The following WWP2 variants were observed in gnomAD, a reference collection of about 807,000 sequenced individuals.
WWP2 encodes WW domain containing E3 ubiquitin protein ligase 2, also known as NEDD4-like E3 ubiquitin-protein ligase WWP2.
WWP2 carries 57 observed loss-of-function variants against 121.0 expected under a neutral mutation model. The observed-to-expected ratio is 0.47, with a 90% confidence interval of 0.38 to 0.59. The LOEUF (loss-of-function observed/expected upper bound fraction) is 0.59, where lower values mean the gene tolerates loss of function less well. Among genes scored for constraint, WWP2 ranks in the 20% least tolerant of loss-of-function variants. The pLI is 0.00. For missense variants in WWP2, 962 were observed against 1,158.9 expected (o/e 0.83, Z 2.47); for synonymous variants, 449 against 441.3 (o/e 1.02, Z -0.22).
intron 23 of WWP2, 25 bp downstream of exon 23, chr16:69,939,438 G>T (rs369387924): frequency 1.9e-6 from 3 of 1,613,544 alleles, no homozygotes; most frequent in Non-Finnish European, 2.5e-6. Flanking sequence ...TTTAGTGGGA[G>T]GTCGGGGGGC....
chr16:69,926,224 A>G (rs2058637873), intron 11 of WWP2: 2 of 152,206 alleles, frequency 1.3e-5, no homozygotes, highest in Non-Finnish European at 2.9e-5. Context: ...AAAAAGGGTC[A>G]TTAGAGATGA....
chr16:69,838,042 G>A (rs1224241956), intron 4 of WWP2, among the ~76,000 whole-genome samples: 1 of 151,996 alleles, frequency 6.6e-6, no homozygotes, highest in Non-Finnish European at 1.5e-5. Flanking sequence ...GGGCAACATA[G>A]TGAACCATGT....
chr16:69,862,504 G>A (rs2057440749), intron 6 of WWP2, among the ~76,000 whole-genome samples: 1 of 151,970 alleles, frequency 6.6e-6, no homozygotes. Flanking sequence ...AACCACCTCG[G>A]CCTTCCAAAG....
At chr16:69,872,462 G>A (rs1279369687) in intron 7 of WWP2, among the ~76,000 whole-genome samples, 2 of 152,188 alleles carry the variant, frequency 1.3e-5, no homozygotes, top group Non-Finnish European at 2.9e-5. Flanking sequence ...GTGATCGCCC[G>A]TCTTGGCCTC....
At chr16:69,931,649 G>C (rs566483444) in intron 15 of WWP2, 69 bp downstream of exon 15, 1 of 1,602,520 alleles carries the variant, frequency 6.2e-7, no homozygotes, top group East Asian at 2.2e-5. Flanking sequence ...CTCCTATCGC[G>C]TGGCCTGTTA....
Position 69,917,695 on chromosome 16 carries a change from G to A in WWP2, c.1005-14G>A, listed in dbSNP as rs745415079. 6.3e-5 allele frequency: 100 copies of A among 1,595,752 alleles called. No individual in the cohort carries two copies. In the South Asian group the frequency reaches 6.9e-4, roughly 11 times the overall value. On this transcript the variant is annotated splice_polypyrimidine_tract_variant and intron_variant, in intron 9 of 23. Coordinates refer to ENST00000359154, the MANE Select transcript of WWP2 (RefSeq NM_001270454.2). Reference sequence around the variant, plus strand: ...GGGTGGTCATTATATTCATTCTGAGGTTCCTATTTCCAGCTGGGAAAAACG... The same window carrying A: ...GGGTGGTCATTATATTCATTCTGAGATTCCTATTTCCAGCTGGGAAAAACG...
chr16:69,925,029 TG>T lies in WWP2; in HGVS notation c.1180-399del. On this transcript the variant is annotated intron_variant, in intron 10 of 23. Coordinates refer to ENST00000359154, the MANE Select transcript of WWP2 (RefSeq NM_001270454.2). The surrounding 1 kb of genome is among the most constrained non-coding windows in gnomAD (Gnocchi z 4.0). The stretch of plus-strand genomic sequence containing the variant: ...GGTTCTTGGAGAAAGTTGGAGGTGG[TG>T]GTGATTTCAGTCGCCTTGGCCGCCT... The T allele has an allele frequency of 1.0e-6, 1 of 999,456 alleles. No homozygotes were observed. The allele number at this position is 999,456 out of a possible 1,614,324, so 61.9% of individuals were successfully genotyped here.
intron 2 of WWP2, among the ~76,000 whole-genome samples, chr16:69,796,552 C>T (rs943641449): frequency 3.9e-5 from 6 of 152,322 alleles, no homozygotes; most frequent in South Asian, 4.1e-4. Context: ...TGCGAAAAGA[C>T]CAAAATTCAA....
At position 69,937,338 on chromosome 16, in the gene WWP2, T is replaced by C; in HGVS notation, c.2238+100T>C. 1 of 1,542,964 alleles carries C rather than the reference T, an allele frequency of 6.5e-7. No individual in the cohort carries two copies. Among genetic ancestry groups the C allele is most frequent in the Admixed American group, 1.9e-5 (1 of 53,870 alleles). The stretch of plus-strand genomic sequence containing the variant: ...TACCCACAGACACTCAGCGTAAAAC[T>C]CCCACTTCGGCAGGGCAGATGGGTT... On this transcript the variant is annotated intron_variant, in intron 20 of 23. Coordinates refer to ENST00000359154, the MANE Select transcript of WWP2 (RefSeq NM_001270454.2). The surrounding 1 kb of genome is among the most constrained non-coding windows in gnomAD (Gnocchi z 6.6).
chr16:69,831,348 A>C (rs2056790256), intron 4 of WWP2, among the ~76,000 whole-genome samples: 2 of 152,102 alleles, frequency 1.3e-5, no homozygotes, highest in South Asian at 2.1e-4. Context: ...CCAAACTAGA[A>C]AGTTCTTTCG....
At chr16:69,864,476 A>G (rs1332343094) in intron 6 of WWP2, among the ~76,000 whole-genome samples, 1 of 152,254 alleles carries the variant, frequency 6.6e-6, no homozygotes, top group Non-Finnish European at 1.5e-5. Flanking sequence ...TGTTCCCGCC[A>G]TCAATGTATG....
intron 1 of WWP2, among the ~76,000 whole-genome samples, chr16:69,766,758 A>G (rs2038739443): frequency 6.6e-6 from 1 of 151,758 alleles, no homozygotes; most frequent in East Asian, 1.9e-4. Flanking sequence ...GGGATCCTAT[A>G]TTTTACTTTA....
At chr16:69,801,331 A>G (rs1481092661) in intron 4 of WWP2, among the ~76,000 whole-genome samples, 5 of 150,498 alleles carry the variant, frequency 3.3e-5, no homozygotes, top group Middle Eastern at 3.5e-3. Flanking sequence ...CCTGGGCTCA[A>G]GTGATCCTCC....
intron 2 of WWP2, among the ~76,000 whole-genome samples, chr16:69,791,101 A>G (rs1442905025): frequency 1.3e-5 from 2 of 152,148 alleles, no homozygotes; most frequent in African/African-American, 4.8e-5. Flanking sequence ...AGACTTTATT[A>G]CCTTAGCTAA....
intron 10 of WWP2, among the ~76,000 whole-genome samples, chr16:69,924,708 C>T (rs1052709021): frequency 4.0e-5 from 6 of 148,312 alleles, no homozygotes; most frequent in Non-Finnish European, 7.5e-5. Flanking sequence ...CCCCCCACCC[C>T]CCCCACCCCC....
At chr16:69,884,127 G>A (rs145063659) in intron 7 of WWP2, among the ~76,000 whole-genome samples, 2 of 152,244 alleles carry the variant, frequency 1.3e-5, no homozygotes, top group African/African-American at 4.8e-5. Context: ...ACAAGCGTAT[G>A]TATATATATT....
chr16:69,806,688 T>A (rs1359381747), intron 4 of WWP2, among the ~76,000 whole-genome samples: 1 of 152,206 alleles, frequency 6.6e-6, no homozygotes, highest in Non-Finnish European at 1.5e-5. Context: ...TCAAATTTAT[T>A]AGAATAAGGG....
intron 2 of WWP2, chr16:69,787,816 C>G (rs1418251295): frequency 6.6e-6 from 1 of 152,180 alleles, no homozygotes; most frequent in African/African-American, 2.4e-5. Context: ...AAAATTTAGC[C>G]TGTCTATAGC....
chr16:69,795,849 T>C lies in WWP2; in HGVS notation c.71-2833T>C, dbSNP rs979621783. Among the ~76,000 whole-genome samples, 41 of 151,660 alleles carry C rather than the reference T, an allele frequency of 2.7e-4. 1 individual carries two copies. Among genetic ancestry groups the C allele is most frequent in the Admixed American group, 2.4e-3 (36 of 15,192 alleles). On this transcript the variant is annotated intron_variant, in intron 2 of 23. Transcript: ENST00000359154. ...TTTTGGTAGAGACAGGGTTTAGCCA[T>C]GTTGCCCAGGCTGGTCTCAAACTCC...
Sources: gnomAD v4.1 joint callset for allele counts (sites outside exome capture counted in the v4.1 genomes callset) on GRCh38, gnomAD v4.1.1 for gene constraint, Gnocchi (gnomAD v3.1) non-coding constraint, MANE v1.5 for transcripts, NCBI Gene and HGNC (gene_info 2026-07-23, HGNC 2026-07-21) for gene names.